The following ACYP2 variants were observed in gnomAD, a reference collection of about 807,000 sequenced individuals.
ACYP2 encodes acylphosphatase 2, also known as acylphosphatase-2.
In ACYP2, 12 loss-of-function variants were observed where a neutral mutation model predicts 11.2. The observed-to-expected ratio is 1.08, with a 90% confidence interval of 0.69 to 1.74. The LOEUF (loss-of-function observed/expected upper bound fraction) is 1.74, where lower values mean the gene tolerates loss of function less well. Among genes scored for constraint, ACYP2 ranks in the 40% most tolerant of loss-of-function variants. The pLI is 0.00. For missense variants in ACYP2, 134 were observed against 101.9 expected (o/e 1.31, Z -1.35); for synonymous variants, 43 against 32.2 (o/e 1.33, Z -1.13).
At chr2:54,259,000 G>T (rs1424533978) in intron 6 of ACYP2, among the ~76,000 whole-genome samples, 2 of 152,202 alleles carry the variant, frequency 1.3e-5, no homozygotes, top group African/African-American at 4.8e-5. Context: ...ATTCCCATGA[G>T]AAGTTATCCA....
intron 4 of ACYP2, among the ~76,000 whole-genome samples, chr2:54,111,790 A>G (rs978897471): frequency 6.6e-6 from 1 of 152,234 alleles, no homozygotes; most frequent in African/African-American, 2.4e-5. Context: ...TATTTCAGGG[A>G]TAGAAATATG....
chr2:53,982,532 G>A (rs1247288747), intron 2 of ACYP2, among the ~76,000 whole-genome samples: 1 of 152,084 alleles, frequency 6.6e-6, no homozygotes, highest in Admixed American at 6.6e-5. Flanking sequence ...AATGTCAGCT[G>A]GGGTTTACCT....
chr2:53,974,436 T>C (rs919801061), intron 2 of ACYP2, among the ~76,000 whole-genome samples: 1 of 152,188 alleles, frequency 6.6e-6, no homozygotes, highest in African/African-American at 2.4e-5. Context: ...TTTCTATAGT[T>C]TCTATTTTTT....
chr2:54,244,828 T>G (rs1312983459), intron 6 of ACYP2, among the ~76,000 whole-genome samples: 1 of 152,228 alleles, frequency 6.6e-6, no homozygotes, highest in Admixed American at 6.5e-5. Flanking sequence ...CAATGCTTAG[T>G]GATCAGATCA....
intron 6 of ACYP2, among the ~76,000 whole-genome samples, chr2:54,204,618 G>T (rs535036330): frequency 6.6e-6 from 1 of 152,238 alleles, no homozygotes; most frequent in Admixed American, 6.5e-5. Context: ...TCTAGTTGGA[G>T]TTTAAAACTT....
At chr2:54,096,693 T>C (rs1460313924) in intron 4 of ACYP2, among the ~76,000 whole-genome samples, 1 of 151,992 alleles carries the variant, frequency 6.6e-6, no homozygotes, top group African/African-American at 2.4e-5. Flanking sequence ...ACCAGTCAGG[T>C]GTGGCGGCGC....
chr2:54,296,223 G>A (rs1254095853), intron 6 of ACYP2, among the ~76,000 whole-genome samples: 9 of 152,194 alleles, frequency 5.9e-5, no homozygotes. Context: ...TCAAAGAGGA[G>A]GCCCTAGAAC....
intron 2 of ACYP2, among the ~76,000 whole-genome samples, chr2:54,018,929 G>A (rs566729157): frequency 7.5e-4 from 114 of 151,766 alleles, no homozygotes; most frequent in African/African-American, 2.2e-3. Flanking sequence ...TGTATTTTTC[G>A]AAGAGATGGG....
At chr2:54,078,620 G>A (rs1302563682) in intron 4 of ACYP2, among the ~76,000 whole-genome samples, 1 of 141,496 alleles carries the variant, frequency 7.1e-6, no homozygotes, top group Non-Finnish European at 1.5e-5. Context: ...TTTTTTTTGA[G>A]ATGGAGTCTT....
intron 3 of ACYP2, among the ~76,000 whole-genome samples, chr2:54,055,860 T>A (rs567361687): frequency 1.3e-5 from 2 of 152,338 alleles, no homozygotes; most frequent in South Asian, 4.1e-4. Context: ...CTGTAACATG[T>A]GTTGTGATAA....
At chr2:53,991,096 G>A (rs1672269531) in intron 2 of ACYP2, among the ~76,000 whole-genome samples, 1 of 152,112 alleles carries the variant, frequency 6.6e-6, no homozygotes, top group Non-Finnish European at 1.5e-5. Flanking sequence ...GTGCCCTGTC[G>A]AGAATTTGTG....
intron 6 of ACYP2, among the ~76,000 whole-genome samples, chr2:54,209,588 G>A (rs902185014): frequency 1.3e-5 from 2 of 152,052 alleles, no homozygotes; most frequent in African/African-American, 2.4e-5. Context: ...CCTTCATTTC[G>A]CAAACATTTA....
intron 2 of ACYP2, among the ~76,000 whole-genome samples, chr2:54,013,255 A>ATATGTGTGTGTG (rs1199088976): frequency 4.3e-5 from 5 of 117,526 alleles, no homozygotes; most frequent in Non-Finnish European, 7.0e-5. Flanking sequence ...ACCATCTAAT[A>ATATGTGTGTGTG]TGTGTGTGTG....
intron 2 of ACYP2, among the ~76,000 whole-genome samples, chr2:54,036,576 G>A (rs1363126137): frequency 6.6e-6 from 1 of 152,198 alleles, no homozygotes; most frequent in Non-Finnish European, 1.5e-5. Flanking sequence ...TCTGCAGGGA[G>A]AAAATGCACA....
At chr2:54,019,316 C>T (rs1264829800) in intron 2 of ACYP2, among the ~76,000 whole-genome samples, 1 of 152,106 alleles carries the variant, frequency 6.6e-6, no homozygotes, top group Non-Finnish European at 1.5e-5. Flanking sequence ...AAGTTATCCT[C>T]CTGCCTCAGC....
At chr2:54,237,814 T>C (rs1686556232) in intron 6 of ACYP2, among the ~76,000 whole-genome samples, 1 of 152,168 alleles carries the variant, frequency 6.6e-6, no homozygotes, top group African/African-American at 2.4e-5. Flanking sequence ...TCAGTCATTA[T>C]CTTCTTGAAT....
intron 6 of ACYP2, among the ~76,000 whole-genome samples, chr2:54,200,287 G>A (rs13423383): frequency 0.011 from 1,709 of 152,158 alleles, 38 homozygotes; most frequent in African/African-American, 0.04. Context: ...ATATATACAT[G>A]TGCATATATC....
intron 2 of ACYP2, among the ~76,000 whole-genome samples, chr2:53,973,970 C>G (rs66773232): frequency 0.43 from 59,631 of 138,032 alleles, 13,155 homozygotes; most frequent in South Asian, 0.51. Flanking sequence ...GCAATGGATC[C>G]ATCTCGGCTC....
chr2:54,171,142 A>G (rs1039287357), intron 6 of ACYP2, among the ~76,000 whole-genome samples: 6 of 152,056 alleles, frequency 3.9e-5, no homozygotes, highest in African/African-American at 1.4e-4. Context: ...CCCTCCCCAT[A>G]TGTGATCAGC....
Sources: allele counts gnomAD v4.1 joint callset (sites outside exome capture counted in the v4.1 genomes callset), GRCh38; gene constraint gnomAD v4.1.1; transcripts MANE v1.5; gene names NCBI Gene and HGNC (gene_info 2026-07-23, HGNC 2026-07-21).